Variants in ACTR8 observed in about 807,000 individuals in gnomAD.
ACTR8 encodes the protein actin-related protein 8.
In ACTR8, 70 loss-of-function variants were observed where a neutral mutation model predicts 84.3. The observed-to-expected ratio is 0.83, with a 90% CI of 0.68 to 1.01. ACTR8 has a LOEUF of 1.01. Ranked by LOEUF, ACTR8 falls within the 50% of genes least tolerant of loss-of-function variation. The probability of loss-of-function intolerance (pLI) is 0.00; values close to 1 mark genes in which losing one functional copy is unlikely to be tolerated. For synonymous variants in ACTR8, 268 were observed against 275.2 expected, an observed-to-expected ratio of 0.97 and a Z score of 0.26; for missense variants, 672 against 775.4, an observed-to-expected ratio of 0.87 and a Z score of 1.58.
chr3:53,866,773 G>A (rs986982614), downstream of ACTR8, among the ~76,000 whole-genome samples: 7 of 152,074 alleles, frequency 4.6e-5, no homozygotes, highest in African/African-American at 1.2e-4. Context: ...GAGCCACGGC[G>A]CCTGGCCTAA....
chr3:53,875,241 G>A (rs1699948267), intron 7 of ACTR8, among the ~76,000 whole-genome samples: 1 of 152,190 alleles, frequency 6.6e-6, no homozygotes. Flanking sequence ...TGGGGCGGGA[G>A]GCAGCAGATG....
intron 3 of ACTR8, 68 bp downstream of exon 3, chr3:53,878,289 G>T: frequency 1.7e-6 from 2 of 1,178,566 alleles, no homozygotes; most frequent in South Asian, 1.3e-5. Context: ...GGTATAGGAA[G>T]AACATGTGAA....
Position 53,879,964 on chromosome 3 carries a change from C to A in ACTR8, c.269G>T (p.Ser90Ile). Residue 90 changes from serine (S) to isoleucine (I), a missense_variant, in exon 2 of 13, where the codon AGT (serine) becomes ATT (isoleucine). Transcript: ENST00000335754. Reference protein sequence around the residue: ...KQQGQPLYKDSWLLREGLNKP... With the variant: ...KQQGQPLYKDIWLLREGLNKP... ...ATTTAGTCCCTCCCTTAGGAGCCAA[C>A]TGTCCTTGTATAGGGGCTGCCCTTG... 3 of 1,613,596 alleles carry A rather than the reference C, an allele frequency of 1.9e-6. No individual in the cohort carries two copies. The highest frequency in any genetic ancestry group is 2.5e-6 in the Non-Finnish European group (3 of 1,179,588).
At position 53,869,990 on chromosome 3, in the gene ACTR8, T is replaced by C. The variant is rs1206506749; in HGVS notation, c.1723A>G (p.Arg575Gly). 1.9e-6 allele frequency: 3 copies of C among 1,614,016 alleles called. No individual in the cohort carries two copies. The highest frequency in any genetic ancestry group is 2.2e-5 in the East Asian group (1 of 44,898). ...RIIENVDVIT[R>G]PKDMDPRLIA... The stretch of plus-strand genomic sequence containing the variant: ...ACAATGAAACAACCTACCTTAGGCC[T>C]TGTGATCACATCCACATTTTCAATA... Residue 575 changes from arginine to glycine, a missense_variant, in exon 12 of 13, where the codon AGG (arginine) becomes GGG (glycine). Arg to Gly is a moderately radical substitution (Grantham distance 125). Coordinates refer to ENST00000335754, the MANE Select transcript of ACTR8 (RefSeq NM_022899.5).
Position 53,873,035 on chromosome 3 carries a change from C to A in ACTR8, c.1158G>T (p.Leu386=). Residue 386 remains leucine, a synonymous_variant, in exon 9 of 13, where the codon CTG becomes CTT. Transcript: ENST00000335754. Reference sequence around the variant, plus strand: ...GAAACAGATACCTATAAGTTACCTGCAGTTTTTCATCTCCTAATCGAAACT... The same window carrying A: ...GAAACAGATACCTATAAGTTACCTGAAGTTTTTCATCTCCTAATCGAAACT... ...LYQFRLGDEK[L]QAPMALFYPA... 1 of 1,607,420 alleles carries A rather than the reference C, an allele frequency of 6.2e-7. No homozygotes were observed. Among genetic ancestry groups the A allele is most frequent in the Non-Finnish European group, 8.5e-7 (1 of 1,175,604 alleles).
Position 53,875,957 on chromosome 3 carries a change from C to T in ACTR8, c.902G>A (p.Arg301Gln), listed in dbSNP as rs780434109. 8.7e-6 allele frequency: 14 copies of T among 1,614,032 alleles called. No homozygotes were observed. The highest frequency in any genetic ancestry group is 5.0e-5 in the Admixed American group (3 of 60,006). ...CTTCCAAGTTCCTTACCGAGTATTC[C>T]GATGAGACACCCCATCCTCCACACA... Reference protein sequence around the residue: ...VCCVEDGVSHRNTRLCLAYGG... With the variant: ...VCCVEDGVSHQNTRLCLAYGG... Residue 301 changes from arginine (R) to glutamine (Q), a missense_variant, in exon 7 of 13, where the codon CGG (arginine) becomes CAG (glutamine). Coordinates refer to ENST00000335754, the MANE Select transcript of ACTR8 (RefSeq NM_022899.5).
chr3:53,864,363 C>T (rs28385749), downstream of ACTR8, among the ~76,000 whole-genome samples: 1,091 of 152,198 alleles, frequency 7.2e-3, 14 homozygotes, highest in African/African-American at 0.025. Context: ...GGTGAAACCC[C>T]GTCTCTACTA....
chr3:53,869,035 A>C (rs1340095840), intron 12 of ACTR8, among the ~76,000 whole-genome samples, 173 bp from the exon 13 acceptor site: 1 of 152,254 alleles, frequency 6.6e-6, no homozygotes, highest in Non-Finnish European at 1.5e-5. Flanking sequence ...TAACCCCAGC[A>C]CTTTGGGAGG....
At chr3:53,876,582 T>G in intron 6 of ACTR8, 38 bp downstream of exon 6, 1 of 1,153,990 alleles carries the variant, frequency 8.7e-7, no homozygotes, top group Non-Finnish European at 1.3e-6. Flanking sequence ...GAAAGAAAAT[T>G]CCATTTAAAA....
At chr3:53,875,854 C>G in intron 7 of ACTR8, 94 bp downstream of exon 7, 3 of 1,531,842 alleles carry the variant, frequency 2.0e-6, no homozygotes, top group Non-Finnish European at 2.7e-6. Flanking sequence ...TTATGGTTAT[C>G]TTATAATTTT....
intron 9 of ACTR8, 35 bp downstream of exon 9, chr3:53,872,997 C>A: frequency 1.3e-6 from 2 of 1,508,086 alleles, no homozygotes; most frequent in Non-Finnish European, 1.8e-6. Flanking sequence ...GGATAACTTT[C>A]TTTCTACCCA....
downstream of ACTR8, chr3:53,864,721 A>G (rs1219079320): frequency 2.6e-6 from 4 of 1,539,668 alleles, 1 homozygote; most frequent in South Asian, 4.7e-5. Context: ...GTTCACAGAT[A>G]ACAAATGCTT....
At position 53,873,055 on chromosome 3, in the gene ACTR8, G is replaced by A. The variant is rs201848227; in HGVS notation, c.1138C>T (p.Arg380Ter). Residue 380 changes from arginine to a stop codon, truncating the protein, a stop_gained, in exon 9 of 13, where the codon CGA becomes TGA. Transcript: ENST00000335754. LOFTEE classifies it high-confidence loss of function. ...ACCTGCAGTTTTTCATCTCCTAATC[G>A]AAACTGGTAAAGCAGGGCAGGAGAA... is the stretch of plus-strand genomic sequence containing the variant. The part of the protein sequence containing the change: ...PDSPALLYQF[R>*]LGDEKLQAPM... 1.5e-5 allele frequency: 24 copies of A among 1,610,814 alleles called. No homozygotes were observed. Among genetic ancestry groups the A allele is most frequent in the East Asian group, 8.9e-5 (4 of 44,832 alleles).
chr3:53,879,862 A>G, intron 2 of ACTR8, 77 bp downstream of exon 2: 2 of 1,352,710 alleles, frequency 1.5e-6, no homozygotes, highest in Non-Finnish European at 2.0e-6. Flanking sequence ...TGTTTCTTTA[A>G]GATTCTGGTG....
intron 1 of ACTR8, among the ~76,000 whole-genome samples, chr3:53,880,486 T>C (rs921923249): frequency 1.3e-5 from 2 of 152,242 alleles, no homozygotes; most frequent in Non-Finnish European, 2.9e-5. Context: ...TTCCTTGCTC[T>C]GAATGAAGCT....
chr3:53,877,124 G>A (rs1320788634), intron 5 of ACTR8, 90 bp downstream of exon 5: 1 of 1,275,216 alleles, frequency 7.8e-7, no homozygotes. Context: ...GTTTCAAGAA[G>A]GACACTATAT....
At chr3:53,863,825 T>A (rs1576851083), downstream of ACTR8, among the ~76,000 whole-genome samples, 1 of 58,386 alleles carries the variant, frequency 1.7e-5, no homozygotes. Flanking sequence ...CAAAGTATTT[T>A]TTTTTTTTTT....
chr3:53,878,359 G>A lies in ACTR8; in HGVS notation c.403C>T (p.Gln135Ter), dbSNP rs761404271. The part of the protein sequence containing the change: ...GTRRIPVSPE[Q>*]ARSYNKQMRP... Reference sequence around the variant, plus strand: ...TAAATCTGAAGAGTTAATCGAACCTGTTCAGGGGACACAGGAATGCGTCTT... The same window carrying A: ...TAAATCTGAAGAGTTAATCGAACCTATTCAGGGGACACAGGAATGCGTCTT... The change falls in exon 3 of 13, where the codon CAG (glutamine) becomes TAG (stop). Residue 135 changes from glutamine (Q) to a stop codon, truncating the protein, a stop_gained and splice_region_variant. Coordinates refer to ENST00000335754, the MANE Select transcript of ACTR8 (RefSeq NM_022899.5). LOFTEE classifies it high-confidence loss of function. The A allele has an allele frequency of 2.5e-6, 4 of 1,604,062 alleles. No individual in the cohort carries two copies. In the East Asian group the frequency reaches 8.9e-5, roughly 36 times the overall value.
intron 3 of ACTR8, 65 bp from the exon 4 acceptor site, chr3:53,877,816 C>T: frequency 2.2e-6 from 3 of 1,377,462 alleles, no homozygotes; most frequent in Non-Finnish European, 3.1e-6. Context: ...ATAAGGGTCT[C>T]CTTTTCTTCT....
Sources: allele counts gnomAD v4.1 joint callset (sites outside exome capture counted in the v4.1 genomes callset), GRCh38; gene constraint gnomAD v4.1.1; transcripts MANE v1.5; gene names NCBI Gene and HGNC (gene_info 2026-07-23, HGNC 2026-07-21).